ANK2: variants seen among roughly 807,000 people sequenced by gnomAD.
The protein encoded by ANK2 is ankyrin-2.
A neutral mutation model predicts 360.5 loss-of-function variants in ANK2; 83 were observed. The ratio of observed to expected loss-of-function variants is 0.23; its 90% CI spans 0.19 to 0.28. The LOEUF is 0.28. Among genes scored for constraint, ANK2 ranks in the 10% least tolerant of loss-of-function variants. The pLI, the probability that ANK2 is intolerant of heterozygous loss-of-function variation, is 1.00. For synonymous variants in ANK2, 1,740 were observed against 1,759.5 expected, an observed-to-expected ratio of 0.99 and a Z score of 0.28; for missense variants, 4,201 against 4,795.7, an observed-to-expected ratio of 0.88 and a Z score of 3.66.
chr4:113,094,383 C>T (rs2090014726), intron 1 of ANK2, among the ~76,000 whole-genome samples: 1 of 152,140 alleles, frequency 6.6e-6, no homozygotes, highest in Non-Finnish European at 1.5e-5. Flanking sequence ...AAAAGACGTT[C>T]TCAAAGGAAC....
the ANK2 span, among the ~76,000 whole-genome samples, chr4:112,751,776 G>A: frequency 6.6e-6 from 1 of 152,186 alleles, no homozygotes; most frequent in African/African-American, 2.4e-5. Context: ...GCTGCATAAA[G>A]AATCCCAAAG....
chr4:112,990,164 G>A (rs908215998), intron 2 of ANK2, among the ~76,000 whole-genome samples: 2 of 152,104 alleles, frequency 1.3e-5, no homozygotes, highest in African/African-American at 4.8e-5. Flanking sequence ...AGCTACTCAG[G>A]AGGCTGAGGT....
the ANK2 span, among the ~76,000 whole-genome samples, chr4:112,799,130 G>A: frequency 2.0e-5 from 3 of 152,282 alleles, no homozygotes; most frequent in South Asian, 4.1e-4. Flanking sequence ...CATCCACAAT[G>A]TAGCAGGTGT....
At chr4:113,144,530 C>T (rs1332018205) in intron 1 of ANK2, among the ~76,000 whole-genome samples, 1 of 151,766 alleles carries the variant, frequency 6.6e-6, no homozygotes, top group Non-Finnish European at 1.5e-5. Context: ...TCTTCCACAT[C>T]CTGTTTTCCC....
chr4:113,237,556 T>G, intron 6 of ANK2, 43 bp from the exon 7 acceptor site: 1 of 1,574,768 alleles, frequency 6.4e-7, no homozygotes, highest in African/African-American at 1.3e-5. Flanking sequence ...AATTTTGCAT[T>G]GTGTAATATC....
At chr4:113,232,016 T>G in intron 4 of ANK2, 145 bp from the exon 5 acceptor site, 1 of 648,816 alleles carries the variant, frequency 1.5e-6, no homozygotes, top group Non-Finnish European at 2.8e-6. Context: ...ACTGCGATTT[T>G]GTCTAGCTTT....
At chr4:113,182,616 A>C (rs2153272292) in intron 2 of ANK2, among the ~76,000 whole-genome samples, 1 of 152,342 alleles carries the variant, frequency 6.6e-6, no homozygotes, top group East Asian at 1.9e-4. Flanking sequence ...AAGCCAAGTG[A>C]AAACATTATT....
chr4:113,204,030 T>C (rs1347684895), intron 4 of ANK2, among the ~76,000 whole-genome samples: 1 of 152,180 alleles, frequency 6.6e-6, no homozygotes, highest in African/African-American at 2.4e-5. Flanking sequence ...TATTCTGCTG[T>C]TACCACCAAG....
At chr4:113,344,041 T>C (rs1485359936) in intron 34 of ANK2, among the ~76,000 whole-genome samples, 1 of 152,230 alleles carries the variant, frequency 6.6e-6, no homozygotes, top group Non-Finnish European at 1.5e-5. Flanking sequence ...CTGCTGAGTC[T>C]CTTTCATTGT....
At chr4:113,148,885 C>A (rs1260415515) in intron 1 of ANK2, among the ~76,000 whole-genome samples, 2 of 152,168 alleles carry the variant, frequency 1.3e-5, no homozygotes, top group Non-Finnish European at 2.9e-5. Flanking sequence ...AAGCATGGGC[C>A]TACCTTGGCA....
chr4:112,844,623 G>A (rs1420781400), intron 1 of ANK2, among the ~76,000 whole-genome samples: 2 of 152,184 alleles, frequency 1.3e-5, no homozygotes, highest in Non-Finnish European at 2.9e-5. Flanking sequence ...AGAACAAGGA[G>A]AAAGTTAAAT....
rs1460849721 is a variant in ANK2 at position 113,365,049 on chromosome 4, C to T, written c.10899C>T (p.Leu3633=). 10 of 1,613,804 alleles carry T rather than the reference C, an allele frequency of 6.2e-6. No homozygotes were observed. Among genetic ancestry groups the T allele is most frequent in the South Asian group, 5.5e-5 (5 of 91,076 alleles). The change falls in exon 41 of 46, where the codon CTC becomes CTT. Residue 3633 remains leucine (L), a synonymous_variant. Coordinates refer to ENST00000357077, the MANE Select transcript of ANK2 (RefSeq NM_001148.6). ...RDGKHATDTN[L]VECLTKINRM... is the part of the protein sequence containing the mutation. ...TCTCTAATGTGTCAGATACCAACCT[C>T]GTTGAATGTCTCACCAAGATCAACC...
chr4:113,143,492 A>C (rs1018207690), intron 1 of ANK2, among the ~76,000 whole-genome samples: 10 of 152,206 alleles, frequency 6.6e-5, no homozygotes, highest in Non-Finnish European at 1.2e-4. Context: ...GGCTAGAGAT[A>C]ATTTTTAAGG....
At chr4:113,033,141 T>G (rs763547351) in intron 2 of ANK2, among the ~76,000 whole-genome samples, 124 of 152,140 alleles carry the variant, frequency 8.2e-4, no homozygotes, top group Non-Finnish European at 1.5e-3. Context: ...ACTTGATAAA[T>G]AGGGACCAAG....
intron 1 of ANK2, among the ~76,000 whole-genome samples, chr4:113,068,117 CCT>C (rs1353563636): frequency 6.6e-6 from 1 of 152,124 alleles, no homozygotes; most frequent in African/African-American, 2.4e-5. Context: ...TTAGTTTCCC[CCT>C]GAGTGTTGGA....
chr4:113,263,187 GAAAAAAA>G (rs762758720), intron 13 of ANK2, among the ~76,000 whole-genome samples: 3 of 63,624 alleles, frequency 4.7e-5, no homozygotes, highest in Non-Finnish European at 9.3e-5. Context: ...GACTCTGTCT[GAAAAAAA>G]AAAAAAAAAA....
At chr4:112,851,703 A>G (rs959328779) in intron 1 of ANK2, among the ~76,000 whole-genome samples, 19 of 151,320 alleles carry the variant, frequency 1.3e-4, no homozygotes, top group African/African-American at 4.1e-4. Flanking sequence ...AGCTCATTGC[A>G]ACTTCCACCC....
At chr4:112,937,652 T>G (rs72892468) in intron 2 of ANK2, among the ~76,000 whole-genome samples, 4,353 of 152,316 alleles carry the variant, frequency 0.029, 97 homozygotes, top group South Asian at 0.052. Flanking sequence ...GACTTGGACA[T>G]TTTTCGGTCT....
chr4:112,955,068 G>T (rs1027871571), intron 2 of ANK2, among the ~76,000 whole-genome samples: 1 of 152,092 alleles, frequency 6.6e-6, no homozygotes, highest in African/African-American at 2.4e-5. Flanking sequence ...AAATGGAAAT[G>T]ACAATGTAAG....
Sources: gnomAD v4.1 joint callset for allele counts (sites outside exome capture counted in the v4.1 genomes callset) on GRCh38, gnomAD v4.1.1 for gene constraint, MANE v1.5 for transcripts, NCBI Gene and HGNC (gene_info 2026-07-23, HGNC 2026-07-21) for gene names.